The following SLC2A5 variants were observed in gnomAD, a reference collection of about 807,000 sequenced individuals.
The protein encoded by SLC2A5 is solute carrier family 2 member 5.
SLC2A5 carries 56 observed loss-of-function variants against 50.3 expected under a neutral mutation model. The ratio of observed to expected loss-of-function variants is 1.11; its 90% CI spans 0.90 to 1.39. The LOEUF (loss-of-function observed/expected upper bound fraction) is 1.39. Among genes scored for constraint, SLC2A5 ranks in the 40% most tolerant of loss-of-function variants. The pLI is 0.00. For missense variants in SLC2A5, 566 were observed against 650.1 expected (o/e 0.87, Z 1.41); for synonymous variants, 269 against 281.9 (o/e 0.95, Z 0.46).
intron 1 of SLC2A5, among the ~76,000 whole-genome samples, chr1:9,062,099 C>T (rs114543872): frequency 6.6e-6 from 1 of 152,076 alleles, no homozygotes; most frequent in Non-Finnish European, 1.5e-5. Context: ...TCTCGCTAAC[C>T]CTGCCGGTCC....
chr1:9,045,927 G>A (rs1641423439), intron 4 of SLC2A5, among the ~76,000 whole-genome samples: 1 of 150,142 alleles, frequency 6.7e-6, no homozygotes, highest in Admixed American at 6.6e-5. Flanking sequence ...CTCAGGGAAA[G>A]CCGAGCACTA....
intron 1 of SLC2A5, among the ~76,000 whole-genome samples, chr1:9,062,871 C>CA (rs933596587): frequency 2.9e-4 from 43 of 148,740 alleles, no homozygotes; most frequent in East Asian, 1.2e-3. Flanking sequence ...GACTCTGTCT[C>CA]AAAAAATAAA....
upstream of SLC2A5, among the ~76,000 whole-genome samples, chr1:9,070,169 C>T (rs1349138669): frequency 6.7e-6 from 1 of 149,530 alleles, no homozygotes. Context: ...CAACCTCCGC[C>T]TCCCGAGTTC....
chr1:9,040,389 C>A lies in SLC2A5; in HGVS notation c.572-200G>T. On this transcript the variant is annotated intron_variant, in intron 5 of 11. Transcript: ENST00000377424. The surrounding 1 kb of genome is among the most constrained non-coding windows in gnomAD (Gnocchi z 4.3). ...AGCAGGGATCAGCAGCGACGCACCC[C>A]TGCGCCCATCAGACAGACCACACCG... The A allele has an allele frequency of 1.6e-6, 1 of 628,472 alleles. No individual in the cohort carries two copies. The highest frequency in any genetic ancestry group is 2.0e-5 in the South Asian group (1 of 50,978). The allele number at this position is 628,472 out of a possible 1,614,324, so 38.9% of individuals were successfully genotyped here. A position where few individuals can be genotyped will look rare whatever the true frequency, so the allele number is the denominator to read the frequency against.
intron 2 of SLC2A5, among the ~76,000 whole-genome samples, chr1:9,081,187 C>T (rs1260232263): frequency 6.8e-6 from 1 of 146,576 alleles, no homozygotes; most frequent in African/African-American, 2.5e-5. Context: ...TTGAGCCTGA[C>T]TGGTCAGGGC....
intron 3 of SLC2A5, among the ~76,000 whole-genome samples, chr1:9,054,914 AC>A (rs1392110754): frequency 6.6e-6 from 1 of 152,148 alleles, no homozygotes; most frequent in African/African-American, 2.4e-5. Flanking sequence ...ACAGAGTGAG[AC>A]CCTGTCTCAC....
At chr1:9,092,117 T>C (rs988582198), upstream of SLC2A5, among the ~76,000 whole-genome samples, 1 of 152,160 alleles carries the variant, frequency 6.6e-6, no homozygotes, top group Non-Finnish European at 1.5e-5. Context: ...CATTGCAACG[T>C]ACATCAATCG....
intron 5 of SLC2A5, 200 bp downstream of exon 5, chr1:9,041,585 T>A (rs1469828268): frequency 7.0e-7 from 1 of 1,432,668 alleles, no homozygotes; most frequent in Non-Finnish European, 9.2e-7. Context: ...TAGTAAACGC[T>A]GGCCAGTCCC....
At chr1:9,087,402 C>T (rs185391561) in intron 1 of SLC2A5, among the ~76,000 whole-genome samples, 1,797 of 152,198 alleles carry the variant, frequency 0.012, 11 homozygotes, top group Non-Finnish European at 0.02. Context: ...GATGGGGTTT[C>T]ACCGTGTTAG....
rs1479694883 is a variant in SLC2A5, at chr1:9,036,875, A to AC, written c.*710_*711insG. 6.6e-6 allele frequency: 1 copy of AC among 151,346 alleles called. No individual in the cohort carries two copies. Among genetic ancestry groups the AC allele is most frequent in the Non-Finnish European group, 1.5e-5 (1 of 67,882 alleles). 9.4% of individuals were successfully genotyped at this position (151,346 alleles called of 1,614,324 possible). ...AAAAAAAGCAAAAATAAAAACAAAA[A>AC]AAACACTGCCTGAATGAGCAGGGAA... On this transcript the variant is annotated 3_prime_UTR_variant, in exon 12 of 12. Coordinates refer to ENST00000377424, the MANE Select transcript of SLC2A5 (RefSeq NM_003039.3).
At chr1:9,081,282 CCAA>C (rs1557685798) in intron 2 of SLC2A5, among the ~76,000 whole-genome samples, 5 of 80,116 alleles carry the variant, frequency 6.2e-5, no homozygotes, top group African/African-American at 2.8e-4. Context: ...AAAAAAAACC[CCAA>C]AAAAAAAAAA....
At chr1:9,045,806 G>T (rs920871456) in intron 4 of SLC2A5, among the ~76,000 whole-genome samples, 3 of 148,988 alleles carry the variant, frequency 2.0e-5, no homozygotes, top group Non-Finnish European at 4.4e-5. Flanking sequence ...GGAGGCAGAG[G>T]TTGCAGTGAG....
intron 3 of SLC2A5, among the ~76,000 whole-genome samples, chr1:9,055,441 C>G (rs984243334): frequency 6.6e-6 from 1 of 151,922 alleles, no homozygotes; most frequent in Non-Finnish European, 1.5e-5. Flanking sequence ...CGTTTGAACC[C>G]GGGAGGCAGA....
chr1:9,074,370 G>A (rs35710492), upstream of SLC2A5, among the ~76,000 whole-genome samples: 31,143 of 152,050 alleles, frequency 0.2, 3,512 homozygotes, highest in East Asian at 0.44. Context: ...TGAGGGCGTC[G>A]ATATTTAAAG....
chr1:9,041,885 G>C lies in SLC2A5; in HGVS notation c.471C>G (p.Asn157Lys), dbSNP rs755808044. The C allele has an allele frequency of 6.2e-7, 1 of 1,613,932 alleles. No homozygotes were observed. The highest frequency in any genetic ancestry group is 8.5e-7 in the Non-Finnish European group (1 of 1,179,956). The change falls in exon 5 of 12, where the codon AAC becomes AAG. Residue 157 changes from asparagine (N) to lysine (K), a missense_variant. Coordinates refer to ENST00000377424, the MANE Select transcript of SLC2A5 (RefSeq NM_003039.3). The part of the protein sequence containing the change: ...PMYLGELAPK[N>K]LRGALGVVPQ... Reference sequence around the variant, plus strand: ...GCACCACCCCGAGAGCCCCCCGCAGGTTTTTAGGGGCCAGCTCCCCTAAGT... The same window carrying C: ...GCACCACCCCGAGAGCCCCCCGCAGCTTTTTAGGGGCCAGCTCCCCTAAGT...
chr1:9,066,870 C>G (rs962316839), intron 1 of SLC2A5, among the ~76,000 whole-genome samples: 15 of 151,464 alleles, frequency 9.9e-5, no homozygotes, highest in African/African-American at 3.4e-4. Flanking sequence ...CCCAGCTACT[C>G]GGGAGGCTGA....
chr1:9,080,733 G>A (rs540063707), intron 2 of SLC2A5, among the ~76,000 whole-genome samples: 68 of 152,348 alleles, frequency 4.5e-4, no homozygotes, highest in Admixed American at 1.1e-3. Context: ...TGATGTGCAG[G>A]AGCCAGCTTA....
At chr1:9,057,201 G>A (rs1183913587) in intron 3 of SLC2A5, among the ~76,000 whole-genome samples, 3 of 150,678 alleles carry the variant, frequency 2.0e-5, no homozygotes, top group African/African-American at 4.9e-5. Context: ...CAGGAGAATC[G>A]CTTGAACCTG....
rs1557660938 is a variant in SLC2A5 at position 9,038,945 on chromosome 1, AG to A, written c.997-17del. ...CCACGAACACCTACAGGAGGGTGGC[AG>A]GGCTCAGGCGGGAGAGGCCCAGCTT... is the stretch of plus-strand genomic sequence containing the variant. On this transcript the variant is annotated splice_polypyrimidine_tract_variant and intron_variant, in intron 8 of 11. Coordinates refer to ENST00000377424, the MANE Select transcript of SLC2A5 (RefSeq NM_003039.3). 2 of 1,609,224 alleles carry A rather than the reference AG, an allele frequency of 1.2e-6. No homozygotes were observed. Among genetic ancestry groups the A allele is most frequent in the Non-Finnish European group, 1.7e-6 (2 of 1,178,520 alleles).
Sources: allele counts gnomAD v4.1 joint callset (sites outside exome capture counted in the v4.1 genomes callset), GRCh38; gene constraint gnomAD v4.1.1; non-coding constraint Gnocchi (gnomAD v3.1); transcripts MANE v1.5; gene names NCBI Gene and HGNC (gene_info 2026-07-23, HGNC 2026-07-21).